PCBP3: variants seen among roughly 807,000 people sequenced by gnomAD.
PCBP3 encodes the protein poly(rC)-binding protein 3.
A neutral mutation model predicts 52.7 loss-of-function variants in PCBP3; 25 were observed. The ratio of observed to expected loss-of-function variants is 0.47; its 90% CI spans 0.35 to 0.66. The LOEUF (loss-of-function observed/expected upper bound fraction) is 0.66. Ranked by LOEUF, PCBP3 falls within the 30% of genes least tolerant of loss-of-function variation. PCBP3 has a pLI of 0.01. For synonymous variants in PCBP3, 162 were observed against 183.0 expected (o/e 0.89, Z 0.93); for missense variants, 391 against 490.3 (o/e 0.80, Z 1.91).
chr21:45,835,849 G>A (rs1349864800), intron 4 of PCBP3, among the ~76,000 whole-genome samples: 1 of 152,194 alleles, frequency 6.6e-6, no homozygotes, highest in Non-Finnish European at 1.5e-5. Flanking sequence ...TATGCCCTGG[G>A]GAGAGGAGAG....
At chr21:45,839,330 A>G (rs1355655803) in intron 4 of PCBP3, among the ~76,000 whole-genome samples, 1 of 152,282 alleles carries the variant, frequency 6.6e-6, no homozygotes, top group East Asian at 1.9e-4. Context: ...AGCACATTTA[A>G]TGGTTACATA....
intron 2 of PCBP3, among the ~76,000 whole-genome samples, chr21:45,732,207 GCTCCTGACTTGCACTGTTT>G (rs1330846985): frequency 6.6e-6 from 1 of 151,962 alleles, no homozygotes; most frequent in Admixed American, 6.6e-5. Flanking sequence ...AATTCAATTG[GCTCCTGACTTGCACTGTTT>G]CTGAAAAGTT....
chr21:45,669,060 T>C (rs1426103542), intron 2 of PCBP3, 108 bp downstream of exon 2: 1 of 152,238 alleles, frequency 6.6e-6, no homozygotes, highest in Non-Finnish European at 1.5e-5. Flanking sequence ...ATCTATGACA[T>C]GATGTCTTTC....
chr21:45,901,399 C>G (rs1321368704), intron 9 of PCBP3: 1 of 377,690 alleles, frequency 2.6e-6, no homozygotes, highest in African/African-American at 2.1e-5. Flanking sequence ...GCACCGAGCA[C>G]GGCCTCAGAA....
At chr21:45,726,703 G>A (rs889551804) in intron 2 of PCBP3, among the ~76,000 whole-genome samples, 1 of 152,216 alleles carries the variant, frequency 6.6e-6, no homozygotes, top group Non-Finnish European at 1.5e-5. Flanking sequence ...CGGCATTCAG[G>A]ATGTGGAGGA....
chr21:45,806,241 C>T (rs1163043771), intron 4 of PCBP3, among the ~76,000 whole-genome samples: 1 of 152,186 alleles, frequency 6.6e-6, no homozygotes, highest in Non-Finnish European at 1.5e-5. Context: ...GATGGAACGG[C>T]GGCCTTTCCG....
At chr21:45,740,269 C>T (rs1037321431) in intron 3 of PCBP3, among the ~76,000 whole-genome samples, 4 of 152,208 alleles carry the variant, frequency 2.6e-5, no homozygotes, top group Non-Finnish European at 5.9e-5. Context: ...GGACTTGCCC[C>T]GCTGTGTGGT....
At chr21:45,868,913 T>A (rs2094879934) in intron 5 of PCBP3, among the ~76,000 whole-genome samples, 2 of 152,218 alleles carry the variant, frequency 1.3e-5, no homozygotes, top group Admixed American at 1.3e-4. Context: ...TTTCAGATCC[T>A]GCCACAGCAA....
chr21:45,667,081 TC>T, intron 1 of PCBP3, among the ~76,000 whole-genome samples: 1 of 61,522 alleles, frequency 1.6e-5, no homozygotes, highest in African/African-American at 4.4e-5. Flanking sequence ...GTTTGTTCTT[TC>T]TTTCTTTCTT....
At chr21:45,764,247 C>G (rs937450875) in intron 4 of PCBP3, among the ~76,000 whole-genome samples, 7 of 151,866 alleles carry the variant, frequency 4.6e-5, no homozygotes, top group African/African-American at 1.7e-4. Context: ...CTCAGCCTTC[C>G]GAGTAGCTGG....
rs531964253 is a variant in PCBP3 at position 45,928,005 on chromosome 21, G to C, written c.718-1912G>C. 6.6e-6 allele frequency among the ~76,000 whole-genome samples: 1 copy of C among 152,296 alleles called. No homozygotes were observed. Among genetic ancestry groups the C allele is most frequent in the East Asian group, 1.9e-4 (1 of 5,162 alleles). The stretch of plus-strand genomic sequence containing the variant: ...CTGTGGCTGTGGATGAATTTGCCAG[G>C]AGTGTCTCACCCCGCCGTGGGCGAT... On this transcript the variant is annotated intron_variant, in intron 13 of 17. Coordinates refer to ENST00000681687, the MANE Select transcript of PCBP3 (RefSeq NM_001384156.1). This position sits in a 1 kb window ranked among gnomAD's most constrained non-coding sequence, Gnocchi z 4.1.
Position 45,850,109 on chromosome 21 carries a change from T to A in PCBP3, c.10+14T>A. On this transcript the variant is annotated intron_variant, in intron 5 of 17. Coordinates refer to ENST00000681687, the MANE Select transcript of PCBP3 (RefSeq NM_001384156.1). The stretch of plus-strand genomic sequence containing the variant: ...TTATGGGGGAAGGTGAGTTACTGTC[T>A]TTTGTTTCCATGTTTGTTTGTTTAC... 1 of 1,548,712 alleles carries A rather than the reference T, an allele frequency of 6.5e-7. No individual in the cohort carries two copies. The highest frequency in any genetic ancestry group is 1.2e-5 in the South Asian group (1 of 84,006).
chr21:45,767,933 T>C (rs1178958001), intron 4 of PCBP3, among the ~76,000 whole-genome samples: 2 of 152,248 alleles, frequency 1.3e-5, no homozygotes, highest in African/African-American at 4.8e-5. Context: ...CAGATCCTGC[T>C]GTTGTTTAGT....
Position 45,917,481 on chromosome 21 carries a change from G to T in PCBP3, c.676-107G>T. 3 of 841,784 alleles carry T rather than the reference G, an allele frequency of 3.6e-6. No homozygotes were observed. The highest frequency in any genetic ancestry group is 2.4e-5 in the East Asian group (1 of 41,130). 52.1% of individuals were successfully genotyped at this position (841,784 alleles called of 1,614,324 possible). A position where few individuals can be genotyped will look rare whatever the true frequency, so the allele number is the denominator to read the frequency against. ...TGGGGACAGGTGGAGAGGCACACGA[G>T]GGGGAAGCTTCTACCGGAGGGTCCT... On this transcript the variant is annotated intron_variant, in intron 12 of 17. Coordinates refer to ENST00000681687, the MANE Select transcript of PCBP3 (RefSeq NM_001384156.1). The surrounding 1 kb of genome is among the most constrained non-coding windows in gnomAD (Gnocchi z 5.3).
At chr21:45,793,510 T>C (rs1401998293) in intron 4 of PCBP3, among the ~76,000 whole-genome samples, 3 of 151,862 alleles carry the variant, frequency 2.0e-5, no homozygotes, top group South Asian at 2.1e-4. Context: ...GAGAGAATAT[T>C]GAGGGGAAGA....
At chr21:45,793,328 C>T (rs2091731189) in intron 4 of PCBP3, among the ~76,000 whole-genome samples, 1 of 152,078 alleles carries the variant, frequency 6.6e-6, no homozygotes, top group Admixed American at 6.5e-5. Context: ...CGCACTCAGA[C>T]GTCAAAAACC....
At chr21:45,786,604 T>G (rs2091182579) in intron 4 of PCBP3, among the ~76,000 whole-genome samples, 1 of 152,194 alleles carries the variant, frequency 6.6e-6, no homozygotes, top group Non-Finnish European at 1.5e-5. Flanking sequence ...AGTATCATTT[T>G]GAAGAGTTAT....
intron 4 of PCBP3, among the ~76,000 whole-genome samples, chr21:45,793,413 G>A (rs1266223565): frequency 6.6e-6 from 1 of 152,136 alleles, no homozygotes; most frequent in African/African-American, 2.4e-5. Flanking sequence ...GGACTGACAG[G>A]CGGGGAGAGC....
intron 3 of PCBP3, among the ~76,000 whole-genome samples, chr21:45,742,306 G>C (rs975103701): frequency 1.3e-5 from 2 of 152,186 alleles, no homozygotes; most frequent in Non-Finnish European, 2.9e-5. Context: ...CTTGAACAAG[G>C]CTGTACCAGA....
Sources: gnomAD v4.1 joint callset for allele counts (sites outside exome capture counted in the v4.1 genomes callset) on GRCh38, gnomAD v4.1.1 for gene constraint, Gnocchi (gnomAD v3.1) non-coding constraint, MANE v1.5 for transcripts, NCBI Gene and HGNC (gene_info 2026-07-23, HGNC 2026-07-21) for gene names.